Variants in TMOD1 observed in about 807,000 individuals in gnomAD.
TMOD1 encodes the protein tropomodulin 1.
Under a neutral mutation model 40.6 loss-of-function variants are expected in TMOD1, and 17 were observed. That is an observed-to-expected ratio of 0.42 (90% confidence interval 0.29 to 0.63). The LOEUF (loss-of-function observed/expected upper bound fraction) is 0.63, where lower values mean the gene tolerates loss of function less well. Among genes scored for constraint, TMOD1 ranks in the 20% least tolerant of loss-of-function variants. The probability of loss-of-function intolerance (pLI) is 0.22; values close to 1 mark genes in which losing one functional copy is unlikely to be tolerated. For missense variants in TMOD1, 391 were observed against 447.6 expected (o/e 0.87, Z 1.14); for synonymous variants, 181 against 175.0 (o/e 1.03, Z -0.27).
chr9:97,504,842 C>A (rs903141179), intron 1 of TMOD1, among the ~76,000 whole-genome samples: 19 of 152,192 alleles, frequency 1.2e-4, no homozygotes, highest in South Asian at 4.1e-4. Context: ...TACTAATGGA[C>A]CAGCCAGGCT....
intron 1 of TMOD1, among the ~76,000 whole-genome samples, chr9:97,515,970 A>T (rs1244501434): frequency 6.6e-6 from 1 of 152,088 alleles, no homozygotes; most frequent in Non-Finnish European, 1.5e-5. Flanking sequence ...TGGCATAATT[A>T]TTGCACCACC....
chr9:97,524,167 GAC>G lies in TMOD1; in HGVS notation c.-18_-17del. Reference sequence around the variant, plus strand: ...TATTACTCAGCACAGAAATTCAGGAGACACAGACAAGTTCTTCCACGATGTCG... The same window carrying G: ...TATTACTCAGCACAGAAATTCAGGAGACAGACAAGTTCTTCCACGATGTCG... On this transcript the variant is annotated 5_prime_UTR_variant, in exon 2 of 10. Transcript: ENST00000259365. The G allele has an allele frequency of 1.2e-6, 2 of 1,611,566 alleles. No individual in the cohort carries two copies. Among genetic ancestry groups the G allele is most frequent in the South Asian group, 1.1e-5 (1 of 90,572 alleles).
At chr9:97,523,438 C>G (rs1437074024) in intron 1 of TMOD1, among the ~76,000 whole-genome samples, 1 of 152,196 alleles carries the variant, frequency 6.6e-6, no homozygotes, top group Non-Finnish European at 1.5e-5. Context: ...TTGGGTGACT[C>G]CGCAGAGAAG....
intron 8 of TMOD1, among the ~76,000 whole-genome samples, chr9:97,590,574 T>C (rs1825980213): frequency 6.6e-6 from 1 of 151,956 alleles, no homozygotes; most frequent in African/African-American, 2.4e-5. Context: ...ACTGAGACTG[T>C]GATGAACATC....
At chr9:97,531,045 C>CA (rs1830096490) in intron 2 of TMOD1, among the ~76,000 whole-genome samples, 1 of 139,716 alleles carries the variant, frequency 7.2e-6, no homozygotes, top group Admixed American at 7.1e-5. Context: ...CCACCCCCCC[C>CA]ACCACCCCTT....
rs574554757 is a variant in TMOD1, at chr9:97,586,710, C to T, written c.871-4581C>T. 8.5e-5 allele frequency among the ~76,000 whole-genome samples: 13 copies of T among 152,242 alleles called. No homozygotes were observed. The South Asian group carries it at 1.2e-3, about 15-fold the overall frequency. ...AGGTGCGGGATATAATCTCGTGGTG[C>T]GCCATTTTTTAAGCCCGTCGGAAAA... On this transcript the variant is annotated intron_variant, in intron 8 of 9. Coordinates refer to ENST00000259365, the MANE Select transcript of TMOD1 (RefSeq NM_003275.4).
chr9:97,545,442 T>A (rs1468080199), intron 2 of TMOD1, among the ~76,000 whole-genome samples: 1 of 152,268 alleles, frequency 6.6e-6, no homozygotes, highest in Non-Finnish European at 1.5e-5. Context: ...AGCCTGCTTA[T>A]GTTTGAAGAA....
chr9:97,578,492 G>C (rs1563996900), intron 8 of TMOD1, among the ~76,000 whole-genome samples: 1 of 152,206 alleles, frequency 6.6e-6, no homozygotes, highest in East Asian at 1.9e-4. Context: ...CCTGTACCTT[G>C]TCGCACATGC....
At chr9:97,551,012 ATATTTTTTTTTTTTTTTTTTT>A (rs1336760643) in intron 3 of TMOD1, among the ~76,000 whole-genome samples, 2 of 39,356 alleles carry the variant, frequency 5.1e-5, no homozygotes, top group South Asian at 1.1e-3. Flanking sequence ...ATATATATAT[ATATTTTTTTTTTTTTTTTTTT>A]TTTTTTTTTA....
intron 2 of TMOD1, among the ~76,000 whole-genome samples, chr9:97,535,718 A>G (rs1564235436): frequency 6.6e-6 from 1 of 152,230 alleles, no homozygotes; most frequent in African/African-American, 2.4e-5. Context: ...TACCAGAGAG[A>G]GACTGTGCTG....
intron 7 of TMOD1, among the ~76,000 whole-genome samples, chr9:97,568,490 C>G (rs1031421695): frequency 2.0e-5 from 3 of 152,020 alleles, no homozygotes; most frequent in Non-Finnish European, 2.9e-5. Flanking sequence ...TTGAGAATGC[C>G]CTCGAAAGAT....
rs563876283 is a variant in TMOD1 at position 97,530,469 on chromosome 9, C to T, written c.120+6161C>T. Among the ~76,000 whole-genome samples the T allele has an allele frequency of 4.0e-5, 6 of 150,778 alleles. No homozygotes were observed. In the East Asian group the frequency reaches 7.8e-4, roughly 20 times the overall value. ...CTCTGCAAAGCCTGAATAATAATAA[C>T]GATGATTTTCTACTGAGGAGTTTTT... On this transcript the variant is annotated intron_variant, in intron 2 of 9. Coordinates refer to ENST00000259365, the MANE Select transcript of TMOD1 (RefSeq NM_003275.4).
intron 5 of TMOD1, 126 bp from the exon 6 acceptor site, chr9:97,563,912 G>A: frequency 1.1e-5 from 9 of 851,006 alleles, no homozygotes; most frequent in Non-Finnish European, 1.5e-5. Flanking sequence ...CCCCCACCCA[G>A]CCCCTGTGAT....
chr9:97,525,536 C>T (rs537191118), intron 2 of TMOD1, among the ~76,000 whole-genome samples: 15 of 152,198 alleles, frequency 9.9e-5, no homozygotes, highest in East Asian at 1.9e-4. Context: ...GTTCTTTACC[C>T]GATGGGGTGA....
At chr9:97,562,688 C>G (rs1357829153) in intron 4 of TMOD1, 44 bp from the exon 5 acceptor site, 1 of 1,429,738 alleles carries the variant, frequency 7.0e-7, no homozygotes, top group South Asian at 1.4e-5. Context: ...GGAGGCTCTT[C>G]TGTCTGCAGA....
At chr9:97,543,865 A>G (rs1039857650) in intron 2 of TMOD1, among the ~76,000 whole-genome samples, 1 of 152,226 alleles carries the variant, frequency 6.6e-6, no homozygotes, top group African/African-American at 2.4e-5. Context: ...ACCTGGGAGC[A>G]TCACCTGTCC....
chr9:97,581,296 C>A (rs1825747872), intron 8 of TMOD1, among the ~76,000 whole-genome samples: 1 of 148,616 alleles, frequency 6.7e-6, no homozygotes, highest in South Asian at 2.1e-4. Context: ...TTTCCAATTT[C>A]ATCCATGTCC....
intron 2 of TMOD1, among the ~76,000 whole-genome samples, chr9:97,532,347 C>A (rs567290324): frequency 1.7e-4 from 26 of 152,226 alleles, no homozygotes; most frequent in Admixed American, 1.6e-3. Context: ...GGCTGGGGAA[C>A]CTCCTCGACC....
chr9:97,598,310 A>G (rs1383688046), intron 9 of TMOD1, among the ~76,000 whole-genome samples: 1 of 135,424 alleles, frequency 7.4e-6, no homozygotes, highest in Admixed American at 7.7e-5. Flanking sequence ...TCTGTGTGAC[A>G]GAGCGAAACT....
Sources: gnomAD v4.1 joint callset for allele counts (sites outside exome capture counted in the v4.1 genomes callset) on GRCh38, gnomAD v4.1.1 for gene constraint, MANE v1.5 for transcripts, NCBI Gene and HGNC (gene_info 2026-07-23, HGNC 2026-07-21) for gene names.